Variants in HERC1 observed in about 807,000 individuals in gnomAD.
HERC1 encodes the protein probable E3 ubiquitin-protein ligase HERC1.
A neutral mutation model predicts 554.3 loss-of-function variants in HERC1; 160 were observed. The ratio of observed to expected loss-of-function variants is 0.29; its 90% confidence interval spans 0.25 to 0.33. The LOEUF is 0.33. Among genes scored for constraint, HERC1 ranks in the 10% least tolerant of loss-of-function variants. The pLI, the probability that HERC1 is intolerant of heterozygous loss-of-function variation, is 1.00. For synonymous variants in HERC1, 2,175 were observed against 2,131.7 expected, an observed-to-expected ratio of 1.02 and a Z score of -0.56; for missense variants, 4,919 against 5,918.5, an observed-to-expected ratio of 0.83 and a Z score of 5.54.
At chr15:63,794,003 T>C (rs1223756973) in intron 1 of HERC1, among the ~76,000 whole-genome samples, 1 of 152,192 alleles carries the variant, frequency 6.6e-6, no homozygotes, top group Non-Finnish European at 1.5e-5. Context: ...AAAACTGCGA[T>C]GGCCATGAGA....
chr15:63,652,345 C>T (rs2069737025), intron 52 of HERC1, 69 bp downstream of exon 52: 1 of 1,443,174 alleles, frequency 6.9e-7, no homozygotes, highest in Non-Finnish European at 9.3e-7. Context: ...ATTACATTAA[C>T]ACAACCAAGA....
At chr15:63,763,489 C>G (rs2142371864) in intron 3 of HERC1, among the ~76,000 whole-genome samples, 1 of 151,788 alleles carries the variant, frequency 6.6e-6, no homozygotes, top group East Asian at 1.9e-4. Context: ...AATGCTACAG[C>G]CTAGAAAGCC....
At chr15:63,702,212 C>G (rs1297563142) in intron 25 of HERC1, among the ~76,000 whole-genome samples, 1 of 152,042 alleles carries the variant, frequency 6.6e-6, no homozygotes, top group East Asian at 1.9e-4. Flanking sequence ...CACTACCACA[C>G]GAGAATCAGA....
At chr15:63,634,113 T>C in intron 66 of HERC1, 143 bp from the exon 67 acceptor site, 3 of 845,480 alleles carry the variant, frequency 3.5e-6, no homozygotes. Flanking sequence ...ATACTACAAA[T>C]GTTAACCAAA....
At position 63,694,680 on chromosome 15, in the gene HERC1, T is replaced by C; in HGVS notation, c.5242+94A>G. The C allele has an allele frequency of 2.6e-6, 4 of 1,527,882 alleles. No individual in the cohort carries two copies. The highest frequency in any genetic ancestry group is 3.6e-6 in the Non-Finnish European group (4 of 1,102,344). The allele number at this position is 1,527,882 out of a possible 1,614,324, so 94.6% of individuals were successfully genotyped here. On this transcript the variant is annotated intron_variant, in intron 28 of 77. Transcript: ENST00000443617. This position sits in a 1 kb window ranked among gnomAD's most constrained non-coding sequence, Gnocchi z 4.3. ...ATTCTTTACCTATAAGTTTATCTACTAATGTTAAACACAAAATATAGAACA... is the reference window on the plus strand; with the variant it reads ...ATTCTTTACCTATAAGTTTATCTACCAATGTTAAACACAAAATATAGAACA...
intron 22 of HERC1, 105 bp from the exon 23 acceptor site, chr15:63,713,770 A>G: frequency 1.0e-6 from 1 of 959,556 alleles, no homozygotes. Flanking sequence ...ACTTACTGAA[A>G]GAGGGAAAAA....
intron 4 of HERC1, among the ~76,000 whole-genome samples, chr15:63,757,517 T>A (rs528108106): frequency 7.9e-5 from 12 of 152,258 alleles, no homozygotes; most frequent in African/African-American, 2.9e-4. Context: ...TCCACCCGCC[T>A]TGGCCTCCCA....
At chr15:63,787,960 C>CAAAAAAAAAAAAAAAAAAAAAA in intron 1 of HERC1, among the ~76,000 whole-genome samples, 1 of 45,662 alleles carries the variant, frequency 2.2e-5, no homozygotes, top group African/African-American at 8.4e-5. Context: ...GACCCTGTCT[C>CAAAAAAAAAAAAAAAAAAAAAA]AAAAAAAAAA....
chr15:63,654,211 G>C lies in HERC1; in HGVS notation c.10198C>G (p.Arg3400Gly), dbSNP rs187940173. ...QLVRTLAAHD[R>G]DNQTTLQTLA... ...GTCTGCAGAGTAGTTTGGTTGTCAC[G>C]GTCGTGTGCAGCAAGAGTGCGCACG... is the stretch of plus-strand genomic sequence containing the variant. The change falls in exon 51 of 78, where the codon CGT becomes GGT. Residue 3400 changes from arginine (R) to glycine (G), a missense_variant. Arg to Gly is a moderately radical substitution (Grantham distance 125). Coordinates refer to ENST00000443617, the MANE Select transcript of HERC1 (RefSeq NM_003922.4). 6.2e-7 allele frequency: 1 copy of C among 1,613,854 alleles called. No homozygotes were observed. Among genetic ancestry groups the C allele is most frequent in the Non-Finnish European group, 8.5e-7 (1 of 1,179,850 alleles).
rs2068609807 is a variant in HERC1 at position 63,632,575 on chromosome 15, C to T, written c.12796+134G>A. ...AAAGAGAAGTGGAAAATTATCTATA[C>T]TGAAAGGAGGTCATAGTGACTACTC... On this transcript the variant is annotated intron_variant, in intron 68 of 77. Coordinates refer to ENST00000443617, the MANE Select transcript of HERC1 (RefSeq NM_003922.4). 5 of 703,968 alleles carry T rather than the reference C, an allele frequency of 7.1e-6. No individual in the cohort carries two copies. In the South Asian group the frequency reaches 7.5e-5, roughly 11 times the overall value. The allele number at this position is 703,968 out of a possible 1,614,324, so 43.6% of individuals were successfully genotyped here.
At chr15:63,833,749 GCGCGCA>G (rs1342554314) in intron 1 of HERC1, 72 bp downstream of exon 1, 70 of 28,464 alleles carry the variant, frequency 2.5e-3, no homozygotes, top group Middle Eastern at 0.038. Flanking sequence ...ACACACGCGC[GCGCGCA>G]CACACACACA....
chr15:63,677,996 G>T lies in HERC1; in HGVS notation c.6919C>A (p.Leu2307Met), dbSNP rs190913998. 1.9e-6 allele frequency: 3 copies of T among 1,614,008 alleles called. No homozygotes were observed. In the African/African-American group the frequency reaches 4.0e-5, roughly 22 times the overall value. ...RTLCIEVWPV[L>M]AVIGGVDAGL... ...GCATCAACTCCTCCTATCACAGCCAGCACGGGCCACACCTCTATGCAAAGA... is the reference window on the plus strand; with the variant it reads ...GCATCAACTCCTCCTATCACAGCCATCACGGGCCACACCTCTATGCAAAGA... Residue 2307 changes from leucine (L) to methionine (M), a missense_variant, in exon 37 of 78, where the codon CTG becomes ATG. This residue lies in a region of HERC1 where 1,963 missense variants were observed against 2,228.6 expected (regional missense o/e 0.88). Coordinates refer to ENST00000443617, the MANE Select transcript of HERC1 (RefSeq NM_003922.4). The surrounding 1 kb of genome is among the most constrained non-coding windows in gnomAD (Gnocchi z 4.4).
At chr15:63,737,508 T>G in intron 12 of HERC1, among the ~76,000 whole-genome samples, 1 of 66,168 alleles carries the variant, frequency 1.5e-5, no homozygotes, top group East Asian at 2.4e-4. Context: ...ATATATATCT[T>G]TTTTCCAGAT....
At position 63,612,366 on chromosome 15, in the gene HERC1, T is replaced by C; in HGVS notation, c.14285A>G (p.Glu4762Gly). Residue 4762 changes from glutamate (E) to glycine (G), a missense_variant, in exon 77 of 78, where the codon GAA becomes GGA. Glu to Gly is a moderately conservative substitution (Grantham distance 98). This residue lies in a region of HERC1 where 284 missense variants were observed against 294.1 expected (regional missense o/e 0.97). Transcript: ENST00000443617. This position sits in a 1 kb window ranked among gnomAD's most constrained non-coding sequence, Gnocchi z 5.0. ...CACCCGCTCCTCATTGGAGAACTCT[T>C]CCAGCGTGTGCCAGAACCACTGCAC... Reference protein sequence around the residue: ...QLVQWFWHTLEEFSNEERVLF... With the variant: ...QLVQWFWHTLGEFSNEERVLF... The C allele has an allele frequency of 1.2e-6, 2 of 1,614,004 alleles. No homozygotes were observed. Among genetic ancestry groups the C allele is most frequent in the Non-Finnish European group, 1.7e-6 (2 of 1,179,862 alleles).
intron 34 of HERC1, among the ~76,000 whole-genome samples, chr15:63,681,397 A>T (rs912239800): frequency 6.6e-6 from 1 of 152,022 alleles, no homozygotes; most frequent in African/African-American, 2.4e-5. Flanking sequence ...AGGTCTTGTT[A>T]TGTTACACAG....
chr15:63,789,951 T>A (rs2076587341), intron 1 of HERC1, among the ~76,000 whole-genome samples: 1 of 151,940 alleles, frequency 6.6e-6, no homozygotes, highest in Admixed American at 6.6e-5. Flanking sequence ...CAAACAATAT[T>A]AGAGGAATCA....
At chr15:63,739,228 C>T (rs1041477571) in intron 12 of HERC1, among the ~76,000 whole-genome samples, 9 of 126,280 alleles carry the variant, frequency 7.1e-5, no homozygotes, top group African/African-American at 1.2e-4. Flanking sequence ...GATGGAGACT[C>T]GTTCTGTTGC....
At position 63,749,641 on chromosome 15, in the gene HERC1, C is replaced by T. The variant is rs758316653; in HGVS notation, c.2047+6G>A. 1.3e-6 allele frequency: 2 copies of T among 1,598,110 alleles called. No homozygotes were observed. Among genetic ancestry groups the T allele is most frequent in the South Asian group, 1.1e-5 (1 of 88,846 alleles). ...ATACTATTTCCTTAAAAACAAATGA[C>T]TTTACCATGAGAAAGAGCCAAACAA... On this transcript the variant is annotated splice_donor_region_variant and intron_variant, in intron 9 of 77. Transcript: ENST00000443617. The surrounding 1 kb of genome is among the most constrained non-coding windows in gnomAD (Gnocchi z 4.1).
Position 63,652,532 on chromosome 15 carries a change from A to G in HERC1, c.10300T>C (p.Cys3434Arg). Residue 3434 changes from cysteine to arginine, a missense_variant, in exon 52 of 78, where the codon TGT becomes CGT. Coordinates refer to ENST00000443617, the MANE Select transcript of HERC1 (RefSeq NM_003922.4). ...LEAHQNRVMT[C>R]VWCNKKGLLA... ...AGACCTTTTTTATTACACCAAACAC[A>G]TGTCATTACCTAGAAAAGTTGAAAC... The G allele has an allele frequency of 6.3e-7, 1 of 1,591,206 alleles. No homozygotes were observed. Among genetic ancestry groups the G allele is most frequent in the Non-Finnish European group, 8.6e-7 (1 of 1,166,946 alleles).
Sources: allele counts gnomAD v4.1 joint callset (sites outside exome capture counted in the v4.1 genomes callset), GRCh38; gene constraint gnomAD v4.1.1; regional missense constraint gnomAD v4.1.1; non-coding constraint Gnocchi (gnomAD v3.1); transcripts MANE v1.5; gene names NCBI Gene and HGNC (gene_info 2026-07-23, HGNC 2026-07-21).